Variants in LMNA observed in about 807,000 individuals in gnomAD.
LMNA encodes lamin.
LMNA carries 20 observed loss-of-function variants against 70.4 expected under a neutral mutation model. The ratio of observed to expected loss-of-function variants is 0.28; its 90% CI spans 0.20 to 0.41. The LOEUF (loss-of-function observed/expected upper bound fraction) is 0.41. Ranked by LOEUF, LMNA falls within the 10% of genes least tolerant of loss-of-function variation. The probability of loss-of-function intolerance (pLI) is 1.00; values close to 1 mark genes in which losing one functional copy is unlikely to be tolerated. For missense variants in LMNA, 652 were observed against 917.2 expected (o/e 0.71, Z 3.73); for synonymous variants, 339 against 372.8 (o/e 0.91, Z 1.04).
intron 3 of LMNA, among the ~76,000 whole-genome samples, chr1:156,094,194 C>G (rs544279544): frequency 6.6e-6 from 1 of 152,174 alleles, no homozygotes; most frequent in African/African-American, 2.4e-5. Flanking sequence ...GAGTCTATCA[C>G]GAGAAGTATA....
chr1:156,087,866 TTTTC>T lies in LMNA; in HGVS notation c.-318-2593_-318-2590del, dbSNP rs991066518. On this transcript the variant is annotated intron_variant, in intron 2 of 12. Transcript: ENST00000368301. The stretch of plus-strand genomic sequence containing the variant: ...CCATGCCCAGCCTTTCTTTCCTTTT[TTTTC>T]TTTCTTTCTTTTTTTTTTTTGAGAT... 7.3e-5 allele frequency among the ~76,000 whole-genome samples: 11 copies of T among 151,724 alleles called. No individual in the cohort carries two copies. The East Asian group carries it at 9.7e-4, about 13-fold the overall frequency.
At chr1:156,105,503 G>A (rs1649301030) in intron 3 of LMNA, among the ~76,000 whole-genome samples, 1 of 152,140 alleles carries the variant, frequency 6.6e-6, no homozygotes, top group Non-Finnish European at 1.5e-5. Flanking sequence ...CCACCCTCCT[G>A]GCTGGGAGTT....
At chr1:156,087,544 A>AT (rs1648528576) in intron 2 of LMNA, among the ~76,000 whole-genome samples, 1 of 142,518 alleles carries the variant, frequency 7.0e-6, no homozygotes, top group African/African-American at 2.6e-5. Flanking sequence ...CCCGGCTCCC[A>AT]TTTTCTTTTC....
intron 1 of LMNA, among the ~76,000 whole-genome samples, chr1:156,125,859 C>A (rs1186004803): frequency 6.6e-6 from 1 of 151,318 alleles, no homozygotes; most frequent in Admixed American, 6.6e-5. Context: ...CATGGTGGTG[C>A]AGGCCTGTAA....
At chr1:156,130,273 C>A (rs1650928724) in intron 1 of LMNA, among the ~76,000 whole-genome samples, 2 of 152,026 alleles carry the variant, frequency 1.3e-5, no homozygotes, top group African/African-American at 4.8e-5. Flanking sequence ...TGGGAAGGGG[C>A]AGGAGACAAA....
At chr1:156,094,806 C>A (rs1213248351) in intron 3 of LMNA, among the ~76,000 whole-genome samples, 1 of 152,044 alleles carries the variant, frequency 6.6e-6, no homozygotes. Context: ...GTCACCCAGG[C>A]TGGAGTGCAG....
At chr1:156,092,842 C>G (rs1012132482) in intron 3 of LMNA, among the ~76,000 whole-genome samples, 1 of 151,830 alleles carries the variant, frequency 6.6e-6, no homozygotes. Context: ...CCTTCCCTTA[C>G]TCCAGCCACA....
upstream of LMNA, among the ~76,000 whole-genome samples, chr1:156,110,932 T>C (rs562443060): frequency 2.2e-3 from 335 of 152,068 alleles, 1 homozygote; most frequent in Admixed American, 4.0e-3. Context: ...GCCGAGATTG[T>C]GCCACTGCAC....
At chr1:156,083,133 G>C (rs1027300255) in exon 2 of LMNA, 3 of 152,098 alleles carry the variant, frequency 2.0e-5, no homozygotes, top group Non-Finnish European at 4.4e-5. Context: ...ATCTCCCCTC[G>C]CCCGCCCCCC....
chr1:156,124,733 T>TG (rs1244868540), intron 1 of LMNA, among the ~76,000 whole-genome samples: 1 of 151,152 alleles, frequency 6.6e-6, no homozygotes, highest in Non-Finnish European at 1.5e-5. Flanking sequence ...TTTGCCGGGT[T>TG]GGGGGGGAGG....
chr1:156,123,648 C>G (rs1650352190), intron 1 of LMNA, among the ~76,000 whole-genome samples: 4 of 152,120 alleles, frequency 2.6e-5, no homozygotes, highest in Admixed American at 2.0e-4. Flanking sequence ...ATCCCCAAGC[C>G]CCACCCCTGC....
At chr1:156,106,098 A>G (rs1036877589) in intron 3 of LMNA, among the ~76,000 whole-genome samples, 15 of 151,572 alleles carry the variant, frequency 9.9e-5, no homozygotes, top group African/African-American at 2.2e-4. Flanking sequence ...TCGCGCCACT[A>G]CACTCCAGCC....
intron 1 of LMNA, among the ~76,000 whole-genome samples, chr1:156,117,245 GT>G (rs1649896899): frequency 6.7e-6 from 1 of 150,068 alleles, no homozygotes; most frequent in Non-Finnish European, 1.5e-5. Flanking sequence ...CCTTTATTTT[GT>G]TTTTTTGAGA....
Position 156,117,257 on chromosome 1 carries a change from C to T in LMNA, c.356+1983C>T, listed in dbSNP as rs191803332. Among the ~76,000 whole-genome samples the T allele has an allele frequency of 1.7e-3, 253 of 150,950 alleles. 1 individual carries two copies. Among genetic ancestry groups the T allele is most frequent in the African/African-American group, 4.6e-3 (190 of 41,042 alleles). ...CAACCTTTATTTTGTTTTTTTGAGACGGAGTCTTGCTTTGTTGCCCAGGCT... is the reference window on the plus strand; with the variant it reads ...CAACCTTTATTTTGTTTTTTTGAGATGGAGTCTTGCTTTGTTGCCCAGGCT... On this transcript the variant is annotated intron_variant, in intron 1 of 11. Coordinates refer to ENST00000368300, the MANE Select transcript of LMNA (RefSeq NM_170707.4).
chr1:156,099,867 CAAAAAAA>C lies in LMNA; in HGVS notation c.-207+9299_-207+9305del, dbSNP rs57524097. Among the ~76,000 whole-genome samples the C allele has an allele frequency of 1.1e-3, 106 of 100,256 alleles. 1 individual carries two copies. The highest frequency in any genetic ancestry group is 2.5e-3 in the African/African-American group (75 of 30,284). The allele number at this position is 100,256 out of a possible 152,430, so 65.8% of individuals were successfully genotyped here. On this transcript the variant is annotated intron_variant, in intron 3 of 12. Coordinates refer to the LMNA transcript ENST00000368301. ...TGCCACTGCACTCCAGCCTGGGTGA[CAAAAAAA>C]AAAAAAAAAAAAAGAAAAATGCCCA... is the stretch of plus-strand genomic sequence containing the variant.
chr1:156,104,057 C>T (rs1649234820), intron 3 of LMNA, among the ~76,000 whole-genome samples: 1 of 152,246 alleles, frequency 6.6e-6, no homozygotes, highest in Admixed American at 6.5e-5. Flanking sequence ...GGACATTTTG[C>T]AAGGTCTGAG....
At chr1:156,133,742 T>G (rs1651281834) in intron 2 of LMNA, among the ~76,000 whole-genome samples, 1 of 151,994 alleles carries the variant, frequency 6.6e-6, no homozygotes, top group South Asian at 2.1e-4. Context: ...GCTTCAGCAG[T>G]ACTGATCTTT....
At chr1:156,123,553 C>G (rs1319009803) in intron 1 of LMNA, among the ~76,000 whole-genome samples, 1 of 152,204 alleles carries the variant, frequency 6.6e-6, no homozygotes, top group Non-Finnish European at 1.5e-5. Flanking sequence ...GTTTTGGTCA[C>G]TGGCCTCCCT....
chr1:156,112,664 C>T (rs566865901), upstream of LMNA, among the ~76,000 whole-genome samples: 2 of 152,296 alleles, frequency 1.3e-5, no homozygotes, highest in East Asian at 1.9e-4. Context: ...TCTGGGCCCC[C>T]TCATCCGGGT....
Sources: gnomAD v4.1 joint callset for allele counts (sites outside exome capture counted in the v4.1 genomes callset) on GRCh38, gnomAD v4.1.1 for gene constraint, MANE v1.5 for transcripts, NCBI Gene and HGNC (gene_info 2026-07-23, HGNC 2026-07-21) for gene names.